The following WDR27 variants were observed in gnomAD, a reference collection of about 807,000 sequenced individuals.
WDR27 encodes WD repeat domain 27.
In WDR27, 100 loss-of-function variants were observed where a neutral mutation model predicts 114.4. The ratio of observed to expected loss-of-function variants is 0.87; its 90% CI spans 0.74 to 1.03. The LOEUF (loss-of-function observed/expected upper bound fraction) is 1.03, where lower values mean the gene tolerates loss of function less well. WDR27 is among the 50% of genes least tolerant of loss of function. The pLI, the probability that WDR27 is intolerant of heterozygous loss-of-function variation, is 0.00. For synonymous variants in WDR27, 449 were observed against 423.1 expected (o/e 1.06, Z -0.75); for missense variants, 1,129 against 1,092.9 (o/e 1.03, Z -0.47).
Position 169,662,452 on chromosome 6 carries a change from G to A in WDR27, c.905-28C>T, listed in dbSNP as rs200301669. On this transcript the variant is annotated intron_variant, in intron 8 of 25. Coordinates refer to ENST00000448612, the MANE Select transcript of WDR27 (RefSeq NM_182552.5). ...AGGGACAGAATTATTGAGAATCTAA[G>A]AAGTGAACTTAAATGCATCCGTCAA... The A allele has an allele frequency of 1.9e-6, 3 of 1,609,998 alleles. No individual in the cohort carries two copies. In the East Asian group the frequency reaches 6.7e-5, roughly 36 times the overall value.
intron 6 of WDR27, 82 bp from the exon 7 acceptor site, chr6:169,665,638 C>G (rs1827646512): frequency 8.0e-7 from 1 of 1,257,330 alleles, no homozygotes; most frequent in African/African-American, 1.5e-5. Context: ...TTACTTATCT[C>G]TTTACACGTA....
In WDR27 at chr6:169,552,003, C is replaced by T. The variant is rs1261352763; in HGVS notation, c.2645+20416G>A. Among the ~76,000 whole-genome samples, 4 of 152,136 alleles carry T rather than the reference C, an allele frequency of 2.6e-5. 1 individual carries two copies. The East Asian group carries it at 5.8e-4, about 22-fold the overall frequency. Reference sequence around the variant, plus strand: ...CTCAGTGATCTACTCAATACCCTCCCGTGGGTTCCGTCCCACGCAGAGAAG... The same window carrying T: ...CTCAGTGATCTACTCAATACCCTCCTGTGGGTTCCGTCCCACGCAGAGAAG... On this transcript the variant is annotated intron_variant, in intron 25 of 25. Transcript: ENST00000448612.
intron 5 of WDR27, chr6:169,667,452 A>C: frequency 1.1e-6 from 1 of 935,274 alleles, no homozygotes; most frequent in Non-Finnish European, 1.3e-6. Flanking sequence ...CAAGGTGAAA[A>C]ACAGTTCCCA....
intron 17 of WDR27, among the ~76,000 whole-genome samples, chr6:169,641,296 C>T (rs1819096908): frequency 6.6e-6 from 1 of 152,140 alleles, no homozygotes; most frequent in Non-Finnish European, 1.5e-5. Context: ...GCATCGAAGA[C>T]GAATCACCGC....
At chr6:169,522,763 A>T (rs966335203) in intron 25 of WDR27, among the ~76,000 whole-genome samples, 4 of 151,962 alleles carry the variant, frequency 2.6e-5, no homozygotes, top group African/African-American at 7.2e-5. Flanking sequence ...AAAATATCTT[A>T]AAAAAATAAA....
chr6:169,701,519 T>G (rs1282679795), intron 1 of WDR27, 32 bp downstream of exon 1: 1 of 155,922 alleles, frequency 6.4e-6, no homozygotes, highest in Non-Finnish European at 1.4e-5. Context: ...TGAGTGCTCC[T>G]TATACACAGC....
rs1055333080 is a variant in WDR27, at chr6:169,609,099, C to G, written c.2321+4460G>C. Reference sequence around the variant, plus strand: ...AGAGGTGGGTTCCCATGGTCGTGGGCAGCTCTGTCCCTGTGGCTTTGCGGA... The same window carrying G: ...AGAGGTGGGTTCCCATGGTCGTGGGGAGCTCTGTCCCTGTGGCTTTGCGGA... On this transcript the variant is annotated intron_variant, in intron 22 of 25. Coordinates refer to ENST00000448612, the MANE Select transcript of WDR27 (RefSeq NM_182552.5). 2.6e-5 allele frequency among the ~76,000 whole-genome samples: 4 copies of G among 151,944 alleles called. No individual in the cohort carries two copies. In the East Asian group the frequency reaches 6.2e-4, roughly 23 times the overall value.
In WDR27 at chr6:169,649,398, G is replaced by T. The variant is rs775246306; in HGVS notation, c.1482-123C>A. 3.7e-6 allele frequency: 3 copies of T among 803,050 alleles called. No homozygotes were observed. The African/African-American group carries it at 5.2e-5, about 14-fold the overall frequency. 49.7% of individuals were successfully genotyped at this position (803,050 alleles called of 1,614,324 possible). Reference sequence around the variant, plus strand: ...TATAGACGTCTGCATAAATGCTTTCGGGCCCCTCCCACCTGTCCTCCAGCC... The same window carrying T: ...TATAGACGTCTGCATAAATGCTTTCTGGCCCCTCCCACCTGTCCTCCAGCC... On this transcript the variant is annotated intron_variant, in intron 14 of 25. Coordinates refer to ENST00000448612, the MANE Select transcript of WDR27 (RefSeq NM_182552.5).
intron 21 of WDR27, among the ~76,000 whole-genome samples, chr6:169,623,551 C>G (rs1006449766): frequency 1.3e-5 from 2 of 152,162 alleles, no homozygotes; most frequent in Non-Finnish European, 2.9e-5. Flanking sequence ...GCAGGCTTCA[C>G]ACAGAAGTCA....
In WDR27 at chr6:169,590,453, G is replaced by C. The variant is rs374642533; in HGVS notation, c.2425-7519C>G. On this transcript the variant is annotated intron_variant, in intron 23 of 25. Transcript: ENST00000448612. ...TTTATAAAAAAGTAAACTATTCTCA[G>C]AAGACCAAAACGTGCAAGATTTAAA... 3.9e-5 allele frequency among the ~76,000 whole-genome samples: 6 copies of C among 152,324 alleles called. No individual in the cohort carries two copies. In the East Asian group the frequency reaches 9.6e-4, roughly 24 times the overall value.
At chr6:169,603,854 T>G (rs374291868) in intron 22 of WDR27, among the ~76,000 whole-genome samples, 1 of 152,236 alleles carries the variant, frequency 6.6e-6, no homozygotes, top group Admixed American at 6.5e-5. Flanking sequence ...CATTAATAAG[T>G]GCTCTAGAAG....
At chr6:169,492,099 T>C (rs538613078) in intron 25 of WDR27, among the ~76,000 whole-genome samples, 2 of 152,102 alleles carry the variant, frequency 1.3e-5, no homozygotes, top group East Asian at 1.9e-4. Context: ...AAAAGAAATA[T>C]GCTTATAGTC....
At chr6:169,491,693 C>T (rs1444110687) in intron 25 of WDR27, among the ~76,000 whole-genome samples, 5 of 152,092 alleles carry the variant, frequency 3.3e-5, no homozygotes, top group Non-Finnish European at 7.4e-5. Context: ...GCTGGCAGGG[C>T]TCCACTGCTT....
chr6:169,454,657 C>T (rs899441429), downstream of WDR27, among the ~76,000 whole-genome samples: 1 of 152,216 alleles, frequency 6.6e-6, no homozygotes, highest in Non-Finnish European at 1.5e-5. Flanking sequence ...CTTGGGACCA[C>T]GATCACATTC....
At chr6:169,510,704 C>A (rs1249709300) in intron 25 of WDR27, among the ~76,000 whole-genome samples, 2 of 151,702 alleles carry the variant, frequency 1.3e-5, no homozygotes, top group African/African-American at 2.4e-5. Flanking sequence ...ATGGGTGCAG[C>A]ACACCAACAT....
At chr6:169,638,460 A>C in intron 18 of WDR27, 79 bp downstream of exon 18, 1 of 1,540,956 alleles carries the variant, frequency 6.5e-7, no homozygotes, top group South Asian at 1.2e-5. Flanking sequence ...TCTCCTGTTA[A>C]GGTAAAAGAA....
intron 16 of WDR27, 76 bp from the exon 17 acceptor site, chr6:169,643,862 TC>T: frequency 8.9e-7 from 1 of 1,128,184 alleles, no homozygotes. Flanking sequence ...AAAGCCTAGT[TC>T]ACAGGAGTCA....
intron 25 of WDR27, among the ~76,000 whole-genome samples, chr6:169,539,214 G>C (rs775773600): frequency 6.6e-5 from 10 of 152,122 alleles, no homozygotes; most frequent in Non-Finnish European, 1.2e-4. Flanking sequence ...CAGTGTCCCA[G>C]TCCCTTCTGT....
intron 23 of WDR27, among the ~76,000 whole-genome samples, chr6:169,583,444 T>C (rs1225670123): frequency 6.7e-6 from 1 of 148,700 alleles, no homozygotes; most frequent in Admixed American, 6.7e-5. Flanking sequence ...TAGCTGTTGA[T>C]AAATAAGTTC....
Sources: gnomAD v4.1 joint callset for allele counts (sites outside exome capture counted in the v4.1 genomes callset) on GRCh38, gnomAD v4.1.1 for gene constraint, MANE v1.5 for transcripts, NCBI Gene and HGNC (gene_info 2026-07-23, HGNC 2026-07-21) for gene names.